The following LRP1B variants were observed in gnomAD, a reference collection of about 807,000 sequenced individuals.
LRP1B encodes the protein low-density lipoprotein receptor-related protein 1B.
A neutral mutation model predicts 556.6 loss-of-function variants in LRP1B; 217 were observed. The observed-to-expected ratio is 0.39, with a 90% CI of 0.35 to 0.44. The LOEUF (loss-of-function observed/expected upper bound fraction) is 0.44. Among genes scored for constraint, LRP1B ranks in the 20% least tolerant of loss-of-function variants. The pLI is 1.00. For synonymous variants in LRP1B, 2,047 were observed against 1,865.8 expected (o/e 1.10, Z -2.50); for missense variants, 5,053 against 5,620.8 (o/e 0.90, Z 3.23).
chr2:140,755,943 T>C (rs186557916), intron 35 of LRP1B, among the ~76,000 whole-genome samples: 3 of 152,062 alleles, frequency 2.0e-5, no homozygotes, highest in East Asian at 1.9e-4. Context: ...AATGATGATC[T>C]TGTATAGAGA....
chr2:141,367,253 T>C (rs1559032719), intron 3 of LRP1B, among the ~76,000 whole-genome samples: 4 of 151,730 alleles, frequency 2.6e-5, no homozygotes, highest in African/African-American at 7.3e-5. Flanking sequence ...ATAAACAGTA[T>C]GTACCTAGTT....
intron 1 of LRP1B, among the ~76,000 whole-genome samples, chr2:141,931,033 A>G (rs1700487643): frequency 6.6e-6 from 1 of 152,002 alleles, no homozygotes; most frequent in African/African-American, 2.4e-5. Flanking sequence ...CATGACCAAT[A>G]CACATGAATA....
chr2:142,053,205 A>G (rs1704530093), intron 1 of LRP1B, among the ~76,000 whole-genome samples: 1 of 152,158 alleles, frequency 6.6e-6, no homozygotes, highest in Non-Finnish European at 1.5e-5. Flanking sequence ...TTTGATATTT[A>G]TTTAGCTAAA....
rs79879036 is a variant in LRP1B at position 140,334,515 on chromosome 2, T to G, written c.12161A>C (p.Glu4054Ala). Residue 4054 changes from glutamate (E) to alanine (A), a missense_variant, in exon 79 of 91, where the codon GAA becomes GCA. Coordinates refer to ENST00000389484, the MANE Select transcript of LRP1B (RefSeq NM_018557.3). ...TVVGDHSHIEEAAMDGTLRRI... is the reference protein window; with the variant it reads ...TVVGDHSHIEAAAMDGTLRRI... ...TCTCAGTGTACCATCCATGGCTGCT[T>G]CTTCTATATGGGAATGATCCCCAAC... 4.6e-3 allele frequency: 7,452 copies of G among 1,605,892 alleles called. 35 individuals are homozygous for G. The highest frequency in any genetic ancestry group is 0.015 in the Middle Eastern group (87 of 5,992).
intron 20 of LRP1B, among the ~76,000 whole-genome samples, chr2:140,933,404 A>C (rs936706503): frequency 6.6e-6 from 1 of 152,044 alleles, no homozygotes; most frequent in Non-Finnish European, 1.5e-5. Flanking sequence ...TAGGTTATTC[A>C]TGTTTTTTGT....
chr2:141,939,165 G>A lies in LRP1B; in HGVS notation c.83-128764C>T, dbSNP rs559583762. On this transcript the variant is annotated intron_variant, in intron 1 of 90. Coordinates refer to ENST00000389484, the MANE Select transcript of LRP1B (RefSeq NM_018557.3). The stretch of plus-strand genomic sequence containing the variant: ...ATACTACAAAAAAAAACTATGTGAG[G>A]AGATGGTTATGTTAATTTGCTTGAC... 1.3e-5 allele frequency among the ~76,000 whole-genome samples: 2 copies of A among 151,988 alleles called. 1 individual carries two copies. The highest frequency in any genetic ancestry group is 1.3e-4 in the Admixed American group (2 of 15,262).
intron 46 of LRP1B, among the ~76,000 whole-genome samples, chr2:140,534,833 G>A (rs183034994): frequency 2.6e-4 from 39 of 152,212 alleles, no homozygotes; most frequent in African/African-American, 8.4e-4. Flanking sequence ...TCATGCTCTC[G>A]ACTACCATAA....
intron 1 of LRP1B, among the ~76,000 whole-genome samples, chr2:142,030,560 G>T (rs1308969958): frequency 6.6e-6 from 1 of 151,816 alleles, no homozygotes; most frequent in Non-Finnish European, 1.5e-5. Context: ...AATTTAAAAA[G>T]AAAAATTAGC....
At chr2:142,037,688 T>G (rs1559036562) in intron 1 of LRP1B, among the ~76,000 whole-genome samples, 2 of 151,682 alleles carry the variant, frequency 1.3e-5, no homozygotes, top group Non-Finnish European at 3.0e-5. Flanking sequence ...TTTGTGACTT[T>G]AAGAAAGTTG....
intron 18 of LRP1B, among the ~76,000 whole-genome samples, chr2:140,957,523 A>G (rs1695910067): frequency 1.3e-5 from 2 of 151,726 alleles, no homozygotes. Context: ...AATATTGAAT[A>G]GTTCTGACAA....
intron 3 of LRP1B, among the ~76,000 whole-genome samples, chr2:141,269,326 C>G (rs538998554): frequency 6.6e-6 from 1 of 152,246 alleles, no homozygotes; most frequent in African/African-American, 2.4e-5. Context: ...AGCTCTAAAT[C>G]TCCTGAAAAG....
intron 1 of LRP1B, among the ~76,000 whole-genome samples, chr2:141,945,758 C>T (rs1050070188): frequency 7.0e-6 from 1 of 143,286 alleles, no homozygotes; most frequent in Non-Finnish European, 1.5e-5. Flanking sequence ...AATCAATGCA[C>T]TTCATCTGTC....
At chr2:140,403,396 A>C (rs1684591858) in intron 66 of LRP1B, among the ~76,000 whole-genome samples, 1 of 152,162 alleles carries the variant, frequency 6.6e-6, no homozygotes, top group African/African-American at 2.4e-5. Flanking sequence ...ATGAATAAAA[A>C]ATTTTCGAGA....
In LRP1B at chr2:141,257,093, A is replaced by G. The variant is rs116121734; in HGVS notation, c.344-2452T>C. ...TCTATAGAGGCAAGCAGGGAAATCAATGTTAAATTCATTGAGAAATAAACA... is the reference window on the plus strand; with the variant it reads ...TCTATAGAGGCAAGCAGGGAAATCAGTGTTAAATTCATTGAGAAATAAACA... On this transcript the variant is annotated intron_variant, in intron 3 of 90. Coordinates refer to ENST00000389484, the MANE Select transcript of LRP1B (RefSeq NM_018557.3). 5.4e-3 allele frequency among the ~76,000 whole-genome samples: 815 copies of G among 152,220 alleles called. 9 individuals carry two copies. Among genetic ancestry groups the G allele is most frequent in the African/African-American group, 0.017 (690 of 41,556 alleles).
In LRP1B at chr2:140,638,425, C is replaced by A. The variant is rs577248281; in HGVS notation, c.6800-36786G>T. On this transcript the variant is annotated intron_variant, in intron 41 of 90. Coordinates refer to ENST00000389484, the MANE Select transcript of LRP1B (RefSeq NM_018557.3). ...ATTCTGTGGCGAGGCTGGGATTTAA[C>A]CCCATGAATGATAATCTAGTGGGTG... Among the ~76,000 whole-genome samples, 12 of 152,232 alleles carry A rather than the reference C, an allele frequency of 7.9e-5. No individual in the cohort carries two copies. The South Asian group carries it at 1.4e-3, about 18-fold the overall frequency.
intron 2 of LRP1B, among the ~76,000 whole-genome samples, chr2:141,692,297 C>T (rs192236088): frequency 6.6e-6 from 1 of 152,048 alleles, no homozygotes; most frequent in East Asian, 1.9e-4. Context: ...ATGATCTGGG[C>T]CCTTTTCCAT....
At chr2:140,783,431 T>C (rs1298105300) in intron 32 of LRP1B, among the ~76,000 whole-genome samples, 1 of 152,172 alleles carries the variant, frequency 6.6e-6, no homozygotes, top group Non-Finnish European at 1.5e-5. Context: ...TTGTATTTTA[T>C]CTGACCAATT....
chr2:141,714,914 G>A (rs1418717484), intron 2 of LRP1B, among the ~76,000 whole-genome samples: 5 of 152,164 alleles, frequency 3.3e-5, no homozygotes, highest in African/African-American at 1.2e-4. Flanking sequence ...TAGAGAAACA[G>A]CTAGAAGCTC....
intron 20 of LRP1B, among the ~76,000 whole-genome samples, chr2:140,925,351 A>G (rs1235658246): frequency 6.6e-6 from 1 of 152,148 alleles, no homozygotes; most frequent in Non-Finnish European, 1.5e-5. Flanking sequence ...TTCAGGAAGA[A>G]GAAAAGAGAC....
Sources: gnomAD v4.1 joint callset for allele counts (sites outside exome capture counted in the v4.1 genomes callset) on GRCh38, gnomAD v4.1.1 for gene constraint, MANE v1.5 for transcripts, NCBI Gene and HGNC (gene_info 2026-07-23, HGNC 2026-07-21) for gene names.